The following LRMDA variants were observed in gnomAD, a reference collection of about 807,000 sequenced individuals.
The protein encoded by LRMDA is leucine-rich melanocyte differentiation-associated protein.
In LRMDA, 18 loss-of-function variants were observed where a neutral mutation model predicts 29.8. The ratio of observed to expected loss-of-function variants is 0.60; its 90% CI spans 0.42 to 0.90. The LOEUF is 0.90. LRMDA is among the 40% of genes least tolerant of loss of function. The pLI, the probability that LRMDA is intolerant of heterozygous loss-of-function variation, is 0.00. For missense variants in LRMDA, 273 were observed against 273.9 expected, an observed-to-expected ratio of 1.00 and a Z score of 0.02; for synonymous variants, 125 against 109.4, an observed-to-expected ratio of 1.14 and a Z score of -0.89.
chr10:76,356,614 G>A (rs991653934), intron 6 of LRMDA, among the ~76,000 whole-genome samples: 8 of 152,152 alleles, frequency 5.3e-5, no homozygotes, highest in African/African-American at 1.9e-4. Flanking sequence ...TCATTGGAAA[G>A]CTTCGTCTTG....
At chr10:76,236,961 G>A (rs1852164230) in intron 5 of LRMDA, among the ~76,000 whole-genome samples, 1 of 152,200 alleles carries the variant, frequency 6.6e-6, no homozygotes, top group Admixed American at 6.5e-5. Flanking sequence ...CATAAACAGT[G>A]TTTTGGATTT....
chr10:75,531,895 T>TA (rs112976300), intron 2 of LRMDA, among the ~76,000 whole-genome samples: 4,626 of 140,916 alleles, frequency 0.033, 86 homozygotes, highest in Non-Finnish European at 0.042. Flanking sequence ...CCCTGTCTCT[T>TA]AAAAAAAAAA....
At chr10:75,606,514 A>T (rs1019648892) in intron 2 of LRMDA, among the ~76,000 whole-genome samples, 1 of 152,166 alleles carries the variant, frequency 6.6e-6, no homozygotes, top group East Asian at 1.9e-4. Context: ...CATGGGCTCT[A>T]TTGGTGCCCT....
At position 76,362,198 on chromosome 10, in the gene LRMDA, T is replaced by C. The variant is rs538351682; in HGVS notation, c.601+37713T>C. ...AAACTGACAAAGGTTATCCACGGGC[T>C]AGTGAATAAAATCTCAATTCCTTTA... On this transcript the variant is annotated intron_variant, in intron 6 of 6. Transcript: ENST00000611255. Among the ~76,000 whole-genome samples, 8 of 152,306 alleles carry C rather than the reference T, an allele frequency of 5.3e-5. No individual in the cohort carries two copies. In the East Asian group the frequency reaches 1.5e-3, roughly 29 times the overall value.
intron 2 of LRMDA, among the ~76,000 whole-genome samples, chr10:75,748,266 G>A (rs1842912774): frequency 6.6e-6 from 1 of 152,048 alleles, no homozygotes; most frequent in Non-Finnish European, 1.5e-5. Context: ...GCTAATTTTT[G>A]TATTTTTACT....
chr10:75,761,714 T>C (rs1564561151), intron 2 of LRMDA, among the ~76,000 whole-genome samples: 1 of 151,086 alleles, frequency 6.6e-6, no homozygotes, highest in Non-Finnish European at 1.5e-5. Flanking sequence ...TTTACCACAA[T>C]AAAAAAGAAG....
At chr10:75,751,736 C>G (rs1049468647) in intron 2 of LRMDA, among the ~76,000 whole-genome samples, 2 of 151,812 alleles carry the variant, frequency 1.3e-5, no homozygotes, top group African/African-American at 2.4e-5. Flanking sequence ...AGGACATCCC[C>G]TTTCAGACCC....
chr10:75,606,229 T>C (rs539428398), intron 2 of LRMDA, among the ~76,000 whole-genome samples: 1 of 142,470 alleles, frequency 7.0e-6, no homozygotes, highest in African/African-American at 3.1e-5. Context: ...CCAACCAAAC[T>C]GAGGCCAGTC....
At chr10:76,146,590 C>T (rs922354805) in intron 5 of LRMDA, among the ~76,000 whole-genome samples, 17 of 152,176 alleles carry the variant, frequency 1.1e-4, no homozygotes, top group Admixed American at 8.5e-4. Context: ...TGTCTCTGCA[C>T]GTGAGATGGG....
chr10:76,123,706 C>G (rs1450756986), intron 5 of LRMDA, among the ~76,000 whole-genome samples: 1 of 152,194 alleles, frequency 6.6e-6, no homozygotes, highest in African/African-American at 2.4e-5. Context: ...GGAATTCTTT[C>G]ACTCAGAGGT....
intron 2 of LRMDA, among the ~76,000 whole-genome samples, chr10:75,799,077 A>G (rs1202742292): frequency 2.0e-5 from 3 of 152,236 alleles, no homozygotes; most frequent in Non-Finnish European, 4.4e-5. Context: ...CCACATCTAC[A>G]GTATCTGTAC....
At position 76,180,135 on chromosome 10, in the gene LRMDA, G is replaced by A. The variant is rs527706317; in HGVS notation, c.516+121352G>A. 1.2e-3 allele frequency among the ~76,000 whole-genome samples: 179 copies of A among 152,028 alleles called. 1 individual carries two copies. The highest frequency in any genetic ancestry group is 3.8e-3 in the African/African-American group (159 of 41,488). On this transcript the variant is annotated intron_variant, in intron 5 of 6. Transcript: ENST00000611255. ...AGTTTCGATTTTGGGTAAACTTGAT[G>A]ATAGGGAAAAAAAAGGCACCCATGG...
intron 2 of LRMDA, among the ~76,000 whole-genome samples, chr10:75,577,265 C>A (rs968023524): frequency 1.3e-5 from 2 of 151,774 alleles, no homozygotes; most frequent in African/African-American, 4.8e-5. Flanking sequence ...ATAGCCGAAT[C>A]AATCAAGTGG....
chr10:76,062,732 T>C (rs1848723552), intron 5 of LRMDA, among the ~76,000 whole-genome samples: 1 of 151,414 alleles, frequency 6.6e-6, no homozygotes, highest in African/African-American at 2.4e-5. Context: ...CTAGGCTTTG[T>C]CATTTCCAAA....
At chr10:76,395,177 T>A (rs774988847) in intron 6 of LRMDA, among the ~76,000 whole-genome samples, 6 of 152,152 alleles carry the variant, frequency 3.9e-5, no homozygotes, top group Non-Finnish European at 8.8e-5. Context: ...TGCAATACCC[T>A]CTTGTATGAA....
At chr10:75,515,135 T>C (rs1845275787) in intron 2 of LRMDA, among the ~76,000 whole-genome samples, 1 of 152,226 alleles carries the variant, frequency 6.6e-6, no homozygotes, top group African/African-American at 2.4e-5. Flanking sequence ...ATGGCACGTA[T>C]TTTATGATTC....
At chr10:76,434,737 A>G (rs1321394463) in intron 6 of LRMDA, among the ~76,000 whole-genome samples, 4 of 152,366 alleles carry the variant, frequency 2.6e-5, no homozygotes, top group South Asian at 2.1e-4. Context: ...CTCACCATCT[A>G]GAAAAATAAA....
chr10:76,357,105 A>G (rs1841250763), intron 6 of LRMDA, among the ~76,000 whole-genome samples: 1 of 152,218 alleles, frequency 6.6e-6, no homozygotes, highest in East Asian at 1.9e-4. Context: ...AGGCATGGAT[A>G]CTTTTCCCCT....
intron 6 of LRMDA, among the ~76,000 whole-genome samples, chr10:76,326,801 G>A (rs2758989): frequency 0.59 from 90,171 of 152,080 alleles, 30,647 homozygotes; most frequent in Non-Finnish European, 0.79. Context: ...AAGGAAGTCC[G>A]GGCTTAGAAT....
Sources: allele counts gnomAD v4.1 joint callset (sites outside exome capture counted in the v4.1 genomes callset), GRCh38; gene constraint gnomAD v4.1.1; transcripts MANE v1.5; gene names NCBI Gene and HGNC (gene_info 2026-07-23, HGNC 2026-07-21).